MCPH1: variants seen among roughly 807,000 people sequenced by gnomAD.
MCPH1 encodes microcephalin 1, also known as microcephalin.
In MCPH1, 104 loss-of-function variants were observed where a neutral mutation model predicts 84.5. The ratio of observed to expected loss-of-function variants is 1.23; its 90% CI spans 1.05 to 1.45. MCPH1 has a LOEUF of 1.45. MCPH1 is among the 40% of genes most tolerant of loss of function. The pLI, the probability that MCPH1 is intolerant of heterozygous loss-of-function variation, is 0.00. For missense variants in MCPH1, 1,498 were observed against 1,005.7 expected (o/e 1.49, Z -6.62); for synonymous variants, 514 against 366.8 (o/e 1.40, Z -4.58).
At chr8:6,433,265 T>C (rs1300787212) in intron 4 of MCPH1, among the ~76,000 whole-genome samples, 1 of 152,190 alleles carries the variant, frequency 6.6e-6, no homozygotes, top group African/African-American at 2.4e-5. Flanking sequence ...AAGTCAGATA[T>C]CTAGAGATAA....
chr8:6,452,848 AG>A (rs974077242), intron 8 of MCPH1, among the ~76,000 whole-genome samples: 2 of 152,242 alleles, frequency 1.3e-5, no homozygotes, highest in African/African-American at 4.8e-5. Context: ...CAGCCGAAGA[AG>A]ACAGACATTC....
chr8:6,621,563 T>A lies in MCPH1; in HGVS notation c.2324T>A (p.Leu775His). Residue 775 changes from leucine (L) to histidine (H), a missense_variant, in exon 13 of 14, where the codon CTC (leucine) becomes CAC (histidine). Leu to His is a moderately conservative substitution (Grantham distance 99, BLOSUM62 -3). Transcript: ENST00000344683. ...SPASSPPVAKLCELVHLCGGR... is the reference protein window; with the variant it reads ...SPASSPPVAKHCELVHLCGGR... ...GCCAGCAGCCCCCCAGTGGCCAAGC[T>A]CTGTGAACTAGTCCACCTGTGCGGA... 6.2e-7 allele frequency: 1 copy of A among 1,614,164 alleles called. No homozygotes were observed. The highest frequency in any genetic ancestry group is 8.5e-7 in the Non-Finnish European group (1 of 1,180,026).
At chr8:6,641,461 G>C (rs1223468394) in intron 13 of MCPH1, among the ~76,000 whole-genome samples, 2 of 152,210 alleles carry the variant, frequency 1.3e-5, no homozygotes, top group South Asian at 2.1e-4. Flanking sequence ...GAAAAGTCAA[G>C]CCAGGTGTGG....
chr8:6,506,427 G>T (rs905851244), intron 12 of MCPH1, among the ~76,000 whole-genome samples: 2 of 152,018 alleles, frequency 1.3e-5, no homozygotes, highest in African/African-American at 4.8e-5. Flanking sequence ...ATCTTGATTT[G>T]CCTAAGTAAA....
chr8:6,591,087 G>A (rs7003848), intron 12 of MCPH1, among the ~76,000 whole-genome samples: 6 of 152,142 alleles, frequency 3.9e-5, no homozygotes, highest in East Asian at 1.9e-4. Context: ...TAGTAGAGAC[G>A]GGTTTCTCCA....
chr8:6,641,344 G>A (rs1008153343), intron 13 of MCPH1, among the ~76,000 whole-genome samples: 3 of 152,162 alleles, frequency 2.0e-5, no homozygotes, highest in Non-Finnish European at 4.4e-5. Flanking sequence ...TATCGGAAAA[G>A]GCTTCCACCT....
chr8:6,579,397 C>T (rs12549864), intron 12 of MCPH1, among the ~76,000 whole-genome samples: 27,897 of 152,160 alleles, frequency 0.18, 2,819 homozygotes, highest in Non-Finnish European at 0.23. Context: ...GTCAGCCCTC[C>T]GCTCGGTCTC....
intron 12 of MCPH1, among the ~76,000 whole-genome samples, chr8:6,596,358 C>T (rs914945417): frequency 1.3e-5 from 2 of 152,176 alleles, no homozygotes; most frequent in Admixed American, 1.3e-4. Flanking sequence ...TATGGCACAG[C>T]CCCCTGCCTG....
At chr8:6,458,698 G>A (rs891943543) in intron 9 of MCPH1, among the ~76,000 whole-genome samples, 10 of 152,062 alleles carry the variant, frequency 6.6e-5, no homozygotes, top group African/African-American at 2.4e-4. Context: ...AGGCTAGAGT[G>A]TACTGGTGTT....
chr8:6,602,003 G>A (rs1829411576), intron 12 of MCPH1, among the ~76,000 whole-genome samples: 1 of 152,194 alleles, frequency 6.6e-6, no homozygotes, highest in South Asian at 2.1e-4. Context: ...GCTAGATGAT[G>A]AGCTTCCTGA....
intron 9 of MCPH1, among the ~76,000 whole-genome samples, chr8:6,461,017 A>T (rs1806220007): frequency 6.6e-6 from 1 of 152,182 alleles, no homozygotes; most frequent in South Asian, 2.1e-4. Flanking sequence ...TTTGGTGTGA[A>T]TGCTTCTCTG....
At chr8:6,415,768 C>G (rs1799192980) in intron 3 of MCPH1, among the ~76,000 whole-genome samples, 1 of 152,108 alleles carries the variant, frequency 6.6e-6, no homozygotes, top group Admixed American at 6.5e-5. Flanking sequence ...GAGTTCCTTG[C>G]TAAGATTGTT....
intron 13 of MCPH1, among the ~76,000 whole-genome samples, chr8:6,638,899 T>A (rs1215148251): frequency 6.6e-6 from 1 of 152,210 alleles, no homozygotes; most frequent in African/African-American, 2.4e-5. Context: ...AGTGGTCAGA[T>A]GCGCTTCAGA....
chr8:6,495,802 C>T (rs1000410229), intron 11 of MCPH1, among the ~76,000 whole-genome samples: 1 of 152,176 alleles, frequency 6.6e-6, no homozygotes, highest in East Asian at 1.9e-4. Flanking sequence ...CCTAAAGTAT[C>T]ATCCAGTAAA....
At chr8:6,613,165 C>G (rs1830442359) in intron 12 of MCPH1, among the ~76,000 whole-genome samples, 1 of 152,188 alleles carries the variant, frequency 6.6e-6, no homozygotes, top group Non-Finnish European at 1.5e-5. Context: ...GGAGACATCT[C>G]TGTTACTCCA....
At chr8:6,461,071 A>G (rs1425129846) in intron 9 of MCPH1, among the ~76,000 whole-genome samples, 2 of 152,164 alleles carry the variant, frequency 1.3e-5, no homozygotes, top group Admixed American at 6.6e-5. Flanking sequence ...ATGATTTTTG[A>G]GATGAACACG....
chr8:6,593,057 G>T (rs1828635440), intron 12 of MCPH1, among the ~76,000 whole-genome samples: 1 of 149,162 alleles, frequency 6.7e-6, no homozygotes, highest in South Asian at 2.1e-4. Flanking sequence ...GCCGCAGTTT[G>T]GACACTATGT....
At chr8:6,417,340 T>C (rs1799458629) in intron 3 of MCPH1, among the ~76,000 whole-genome samples, 1 of 152,206 alleles carries the variant, frequency 6.6e-6, no homozygotes. Flanking sequence ...CTCAGCTCTC[T>C]TGTGGTGTGA....
rs1006050156 is a variant in MCPH1, at chr8:6,474,321, A to G, written c.1936-3273A>G. The G allele has an allele frequency of 2.0e-4, 93 of 462,680 alleles. 1 individual carries two copies. Among genetic ancestry groups the G allele is most frequent in the Non-Finnish European group, 3.5e-4 (88 of 252,396 alleles). The allele number at this position is 462,680 out of a possible 1,614,324, so 28.7% of individuals were successfully genotyped here. A position where few individuals can be genotyped will look rare whatever the true frequency, so the allele number is the denominator to read the frequency against. ...ATGTGGTTTTTCCAACCTCTGGTGTACCTGGCTTTCTATGACACGTTTCTA... is the reference window on the plus strand; with the variant it reads ...ATGTGGTTTTTCCAACCTCTGGTGTGCCTGGCTTTCTATGACACGTTTCTA... On this transcript the variant is annotated intron_variant, in intron 9 of 13. Transcript: ENST00000344683.
Sources: gnomAD v4.1 joint callset for allele counts (sites outside exome capture counted in the v4.1 genomes callset) on GRCh38, gnomAD v4.1.1 for gene constraint, MANE v1.5 for transcripts, NCBI Gene and HGNC (gene_info 2026-07-23, HGNC 2026-07-21) for gene names.